Variants in XIRP2 observed in about 807,000 individuals in gnomAD.
XIRP2 encodes xin actin binding repeat containing 2.
Under a neutral mutation model 277.0 loss-of-function variants are expected in XIRP2, and 236 were observed. That is an observed-to-expected ratio of 0.85 (90% CI 0.77 to 0.95). The LOEUF (loss-of-function observed/expected upper bound fraction) is 0.95, where lower values mean the gene tolerates loss of function less well. Among genes scored for constraint, XIRP2 ranks in the 40% least tolerant of loss-of-function variants. The pLI, the probability that XIRP2 is intolerant of heterozygous loss-of-function variation, is 0.00. For missense variants in XIRP2, 4,640 were observed against 4,157.5 expected (o/e 1.12, Z -3.19); for synonymous variants, 1,490 against 1,416.5 (o/e 1.05, Z -1.17).
chr2:167,027,151 T>A (rs999378332), intron 2 of XIRP2, among the ~76,000 whole-genome samples: 2 of 152,174 alleles, frequency 1.3e-5, no homozygotes, highest in Non-Finnish European at 2.9e-5. Flanking sequence ...CAATCAGACC[T>A]AGATTTGGTC....
intron 2 of XIRP2, among the ~76,000 whole-genome samples, chr2:166,961,584 T>C (rs1216532217): frequency 1.3e-5 from 2 of 151,788 alleles, no homozygotes; most frequent in African/African-American, 4.8e-5. Context: ...ACAATAATCT[T>C]GATCAAATAT....
intron 5 of XIRP2, among the ~76,000 whole-genome samples, chr2:167,230,750 C>T (rs1274659566): frequency 2.6e-5 from 4 of 152,064 alleles, no homozygotes; most frequent in Non-Finnish European, 5.9e-5. Flanking sequence ...CATTATTCAA[C>T]TGTAAAGGGC....
At chr2:167,179,324 T>TTTTTTTTTTTTC (rs1553496048) in intron 3 of XIRP2, among the ~76,000 whole-genome samples, 11 of 125,362 alleles carry the variant, frequency 8.8e-5, no homozygotes, top group South Asian at 2.3e-4. Flanking sequence ...TTTTTTCTTG[T>TTTTTTTTTTTTC]TTTTTTTTTT....
At chr2:167,080,728 T>C (rs1463078520) in intron 2 of XIRP2, among the ~76,000 whole-genome samples, 1 of 152,224 alleles carries the variant, frequency 6.6e-6, no homozygotes, top group Non-Finnish European at 1.5e-5. Flanking sequence ...GAATAAAATA[T>C]CTTTCTCTAA....
At chr2:167,257,625 C>A (rs1175215632) in intron 10 of XIRP2, among the ~76,000 whole-genome samples, 1 of 151,946 alleles carries the variant, frequency 6.6e-6, no homozygotes, top group Non-Finnish European at 1.5e-5. Context: ...CCCTATAATA[C>A]CTATTATGCC....
intron 5 of XIRP2, among the ~76,000 whole-genome samples, chr2:167,234,133 G>A (rs1447572314): frequency 1.3e-5 from 2 of 151,456 alleles, no homozygotes; most frequent in Non-Finnish European, 3.0e-5. Flanking sequence ...TGCTTATTCA[G>A]AATCCTCCCT....
intron 2 of XIRP2, among the ~76,000 whole-genome samples, chr2:167,093,422 C>T (rs960169096): frequency 6.6e-6 from 1 of 151,962 alleles, no homozygotes; most frequent in East Asian, 1.9e-4. Flanking sequence ...CACCCATCAA[C>T]CCTTCATCTA....
chr2:167,007,497 T>A (rs538274510), intron 2 of XIRP2, among the ~76,000 whole-genome samples: 81 of 151,786 alleles, frequency 5.3e-4, no homozygotes, highest in Admixed American at 3.4e-3. Context: ...CTTATGGAAT[T>A]TGGGTAATAA....
At chr2:166,890,091 G>C (rs1186389761) in intron 1 of XIRP2, among the ~76,000 whole-genome samples, 1 of 151,706 alleles carries the variant, frequency 6.6e-6, no homozygotes, top group African/African-American at 2.4e-5. Flanking sequence ...CACCTCCCAG[G>C]TTCAAGCGAT....
At chr2:167,184,514 G>C (rs1268119327) in intron 3 of XIRP2, 1 of 711,000 alleles carries the variant, frequency 1.4e-6, no homozygotes, top group Non-Finnish European at 2.6e-6. Context: ...AATTGCCAAA[G>C]GTTCTGCTGT....
intron 2 of XIRP2, among the ~76,000 whole-genome samples, chr2:167,076,378 G>A (rs930155131): frequency 5.3e-5 from 8 of 152,108 alleles, no homozygotes; most frequent in African/African-American, 1.9e-4. Context: ...CACCATGGAG[G>A]GAGGTGAGTA....
chr2:167,075,824 T>G (rs977946098), intron 2 of XIRP2, among the ~76,000 whole-genome samples: 1 of 148,008 alleles, frequency 6.8e-6, no homozygotes, highest in African/African-American at 2.5e-5. Context: ...TTTTTTTTTT[T>G]GTATTTTTAG....
intron 5 of XIRP2, among the ~76,000 whole-genome samples, chr2:167,227,279 A>G (rs1003022098): frequency 6.6e-6 from 1 of 152,208 alleles, no homozygotes; most frequent in Admixed American, 6.5e-5. Flanking sequence ...GCTTAAAGAA[A>G]TCATGGTAAA....
intron 2 of XIRP2, among the ~76,000 whole-genome samples, chr2:166,929,811 G>A (rs1247732302): frequency 3.3e-5 from 5 of 152,120 alleles, no homozygotes; most frequent in South Asian, 4.1e-4. Context: ...TTTTGGCTTC[G>A]TAAGATGACT....
chr2:167,075,503 A>G (rs971712020), intron 2 of XIRP2, among the ~76,000 whole-genome samples: 1 of 152,194 alleles, frequency 6.6e-6, no homozygotes, highest in Non-Finnish European at 1.5e-5. Flanking sequence ...ATTTCTCAGC[A>G]ATAGCCAATT....
intron 3 of XIRP2, among the ~76,000 whole-genome samples, chr2:167,147,543 G>A (rs548391100): frequency 1.3e-5 from 2 of 152,182 alleles, no homozygotes; most frequent in African/African-American, 2.4e-5. Context: ...ATATTTGTGT[G>A]AACAACCTCC....
At chr2:167,075,141 T>C (rs1020963991) in intron 2 of XIRP2, among the ~76,000 whole-genome samples, 1 of 152,242 alleles carries the variant, frequency 6.6e-6, no homozygotes, top group African/African-American at 2.4e-5. Flanking sequence ...CCCTAGCACC[T>C]AGAACACTGC....
At chr2:166,936,205 G>A (rs1685494592) in intron 2 of XIRP2, among the ~76,000 whole-genome samples, 1 of 152,212 alleles carries the variant, frequency 6.6e-6, no homozygotes, top group Admixed American at 6.5e-5. Context: ...CTGCATAAAT[G>A]TCTTCTTTTG....
At chr2:167,166,628 C>T (rs6709146) in intron 3 of XIRP2, among the ~76,000 whole-genome samples, 15,054 of 152,084 alleles carry the variant, frequency 0.099, 798 homozygotes, top group South Asian at 0.16. Context: ...AAGAGGGATC[C>T]GGCAAGTCAC....
Sources: gnomAD v4.1 joint callset for allele counts (sites outside exome capture counted in the v4.1 genomes callset) on GRCh38, gnomAD v4.1.1 for gene constraint, MANE v1.5 for transcripts, NCBI Gene and HGNC (gene_info 2026-07-23, HGNC 2026-07-21) for gene names.